BMP5: variants seen among roughly 807,000 people sequenced by gnomAD.
The protein encoded by BMP5 is bone morphogenetic protein 5.
Under a neutral mutation model 46.6 loss-of-function variants are expected in BMP5, and 23 were observed. The observed-to-expected ratio is 0.49, with a 90% CI of 0.35 to 0.70. The LOEUF (loss-of-function observed/expected upper bound fraction) is 0.70. BMP5 is among the 30% of genes least tolerant of loss of function. The probability of loss-of-function intolerance (pLI) is 0.00; values close to 1 mark genes in which losing one functional copy is unlikely to be tolerated. For missense variants in BMP5, 545 were observed against 565.6 expected, an observed-to-expected ratio of 0.96 and a Z score of 0.37; for synonymous variants, 204 against 191.9, an observed-to-expected ratio of 1.06 and a Z score of -0.52.
intron 4 of BMP5, 96 bp from the exon 5 acceptor site, chr6:55,760,629 T>C (rs1774749191): frequency 9.3e-7 from 1 of 1,073,112 alleles, no homozygotes; most frequent in African/African-American, 1.6e-5. Context: ...AAAGGGGTTT[T>C]ATTTGAAGTT....
chr6:55,865,098 G>A (rs938998922), intron 1 of BMP5, among the ~76,000 whole-genome samples: 2 of 152,126 alleles, frequency 1.3e-5, no homozygotes, highest in Admixed American at 1.3e-4. Flanking sequence ...TATTTGAACA[G>A]AGTGACTTTC....
intron 1 of BMP5, among the ~76,000 whole-genome samples, chr6:55,837,609 A>G (rs1268802709): frequency 1.3e-5 from 2 of 152,234 alleles, no homozygotes; most frequent in African/African-American, 2.4e-5. Flanking sequence ...CATCATGAAG[A>G]ATAGTGTATC....
chr6:55,839,134 C>T (rs1776891389), intron 1 of BMP5, among the ~76,000 whole-genome samples: 1 of 152,014 alleles, frequency 6.6e-6, no homozygotes, highest in South Asian at 2.1e-4. Context: ...TATGCCATAA[C>T]ATACCTAGAT....
At chr6:55,838,198 G>C (rs550895555) in intron 1 of BMP5, among the ~76,000 whole-genome samples, 1 of 152,262 alleles carries the variant, frequency 6.6e-6, no homozygotes, top group East Asian at 1.9e-4. Context: ...TCAATTTGCA[G>C]TTTTTCAAGG....
chr6:55,777,053 T>C (rs1246566738), intron 3 of BMP5, among the ~76,000 whole-genome samples: 1 of 151,962 alleles, frequency 6.6e-6, no homozygotes. Context: ...CTTGGTTTCC[T>C]TTTTACTTCA....
Position 55,874,913 on chromosome 6 carries a change from T to TTA in BMP5, c.-49_-48insTA. ...ATATTTTTAGTCCTTCTTGTCCTCT[T>TTA]AAAAAAAAAAAAAACCTAAGGTTCT... is the stretch of plus-strand genomic sequence containing the variant. On this transcript the variant is annotated 5_prime_UTR_variant, in exon 1 of 7. Transcript: ENST00000370830. The TTA allele has an allele frequency of 7.2e-7, 1 of 1,382,424 alleles. No individual in the cohort carries two copies. Among genetic ancestry groups the TTA allele is most frequent in the Non-Finnish European group, 9.8e-7 (1 of 1,015,632 alleles). The allele number at this position is 1,382,424 out of a possible 1,614,324, so 85.6% of individuals were successfully genotyped here.
chr6:55,840,114 T>G (rs1465276570), intron 1 of BMP5, among the ~76,000 whole-genome samples: 1 of 152,152 alleles, frequency 6.6e-6, no homozygotes, highest in Non-Finnish European at 1.5e-5. Flanking sequence ...AAACACGTTT[T>G]GTTAAATTTA....
intron 1 of BMP5, among the ~76,000 whole-genome samples, chr6:55,854,338 A>G (rs549405936): frequency 1.3e-5 from 2 of 152,234 alleles, no homozygotes; most frequent in East Asian, 3.9e-4. Flanking sequence ...GGAAATGAAA[A>G]CTATTTCTTA....
chr6:55,793,277 C>G (rs1775618421), intron 3 of BMP5, among the ~76,000 whole-genome samples: 1 of 152,172 alleles, frequency 6.6e-6, no homozygotes, highest in African/African-American at 2.4e-5. Flanking sequence ...TTGCCTGCCC[C>G]CCAACTTCTT....
At chr6:55,772,992 C>T in intron 4 of BMP5, 3 of 864,324 alleles carry the variant, frequency 3.5e-6, no homozygotes, top group South Asian at 5.3e-5. Context: ...TAATAAATAG[C>T]TGCTGTATGA....
intron 4 of BMP5, among the ~76,000 whole-genome samples, chr6:55,770,510 G>A (rs905051095): frequency 1.3e-5 from 2 of 151,816 alleles, no homozygotes; most frequent in Non-Finnish European, 2.9e-5. Flanking sequence ...CCACTCAAAC[G>A]TTCTCCACAT....
At chr6:55,854,570 G>C (rs79230329) in intron 1 of BMP5, among the ~76,000 whole-genome samples, 1 of 151,536 alleles carries the variant, frequency 6.6e-6, no homozygotes, top group Non-Finnish European at 1.5e-5. Flanking sequence ...TATTTTACTA[G>C]ACTCATTTCA....
At chr6:55,759,173 A>AC in intron 5 of BMP5, 58 bp from the exon 6 acceptor site, 1 of 839,400 alleles carries the variant, frequency 1.2e-6, no homozygotes, top group Non-Finnish European at 1.8e-6. Context: ...AAAAAAAAAA[A>AC]AAAAAAAAAA....
intron 3 of BMP5, among the ~76,000 whole-genome samples, chr6:55,779,855 CAAAT>C (rs1353940689): frequency 6.7e-6 from 1 of 149,276 alleles, no homozygotes; most frequent in Non-Finnish European, 1.5e-5. Context: ...TCTTGTTTTT[CAAAT>C]GGTTTACATT....
chr6:55,869,667 C>A (rs1219634901), intron 1 of BMP5, among the ~76,000 whole-genome samples: 2 of 151,912 alleles, frequency 1.3e-5, no homozygotes, highest in Non-Finnish European at 2.9e-5. Context: ...AAAATAAAGG[C>A]AAAACACAAT....
At chr6:55,811,370 A>C (rs1776130484) in intron 2 of BMP5, among the ~76,000 whole-genome samples, 1 of 152,176 alleles carries the variant, frequency 6.6e-6, no homozygotes, top group African/African-American at 2.4e-5. Flanking sequence ...GCATTAGGAA[A>C]AGGTTGATTC....
At chr6:55,778,439 G>T (rs1232785316) in intron 3 of BMP5, among the ~76,000 whole-genome samples, 1 of 151,844 alleles carries the variant, frequency 6.6e-6, no homozygotes, top group Non-Finnish European at 1.5e-5. Context: ...TCAGGTTTGG[G>T]TATCATATAA....
rs770256367 is a variant in BMP5 at position 55,794,339 on chromosome 6, G to T, written c.772C>A (p.His258Asn). Residue 258 changes from histidine (H) to asparagine (N), a missense_variant, in exon 3 of 7, where the codon CAT (histidine) becomes AAT (asparagine). His to Asn is a moderately conservative substitution (Grantham distance 68). Transcript: ENST00000370830. ...LVFDITVTSNHWVINPQNNLG... is the reference protein window; with the variant it reads ...LVFDITVTSNNWVINPQNNLG... ...TTATTCTGGGGATTAATCACCCAATGATTGCTGGTCACAGTGATATCAAAG... is the reference window on the plus strand; with the variant it reads ...TTATTCTGGGGATTAATCACCCAATTATTGCTGGTCACAGTGATATCAAAG... 4 of 1,613,998 alleles carry T rather than the reference G, an allele frequency of 2.5e-6. No homozygotes were observed. Among genetic ancestry groups the T allele is most frequent in the Non-Finnish European group, 3.4e-6 (4 of 1,179,892 alleles).
At chr6:55,769,625 T>C (rs1328039860) in intron 4 of BMP5, among the ~76,000 whole-genome samples, 8 of 151,922 alleles carry the variant, frequency 5.3e-5, no homozygotes, top group African/African-American at 1.9e-4. Flanking sequence ...AAATCATGAG[T>C]GTTCTTAAAT....
Sources: allele counts gnomAD v4.1 joint callset (sites outside exome capture counted in the v4.1 genomes callset), GRCh38; gene constraint gnomAD v4.1.1; transcripts MANE v1.5; gene names NCBI Gene and HGNC (gene_info 2026-07-23, HGNC 2026-07-21).